Variants in CSMD1 observed in about 807,000 individuals in gnomAD.
CSMD1 encodes the protein CUB and Sushi multiple domains 1, also known as CUB and sushi domain-containing protein 1.
Under a neutral mutation model 417.5 loss-of-function variants are expected in CSMD1, and 213 were observed. The ratio of observed to expected loss-of-function variants is 0.51; its 90% CI spans 0.46 to 0.57. CSMD1 has a LOEUF of 0.57. Ranked by LOEUF, CSMD1 falls within the 20% of genes least tolerant of loss-of-function variation. CSMD1 has a pLI of 0.00. For missense variants in CSMD1, 6,923 were observed against 4,529.7 expected, an observed-to-expected ratio of 1.53 and a Z score of -15.17; for synonymous variants, 2,862 against 1,736.8, an observed-to-expected ratio of 1.65 and a Z score of -16.11.
At chr8:4,027,608 G>C (rs1383261177) in intron 4 of CSMD1, among the ~76,000 whole-genome samples, 2 of 152,150 alleles carry the variant, frequency 1.3e-5, no homozygotes, top group African/African-American at 2.4e-5. Context: ...GCAGAACTGT[G>C]AGTGAATTAA....
chr8:4,857,201 A>T (rs1230691099), intron 1 of CSMD1, among the ~76,000 whole-genome samples: 3 of 150,486 alleles, frequency 2.0e-5, no homozygotes, highest in Non-Finnish European at 1.5e-5. Flanking sequence ...AGAAATAAAG[A>T]TGTTCTTTGA....
At chr8:3,682,997 G>A (rs979654421) in intron 7 of CSMD1, among the ~76,000 whole-genome samples, 1 of 152,066 alleles carries the variant, frequency 6.6e-6, no homozygotes, top group Non-Finnish European at 1.5e-5. Flanking sequence ...ACTGAACAAT[G>A]AGAACACATG....
chr8:3,029,407 A>T lies in CSMD1; in HGVS notation c.7767T>A (p.Ser2589Arg). Residue 2589 changes from serine (S) to arginine (R), a missense_variant, in exon 51 of 70, where the codon AGT becomes AGA. Coordinates refer to ENST00000635120, the MANE Select transcript of CSMD1 (RefSeq NM_033225.6). ...EYGAQVLLSC[S>R]PGYYLEGWRL... ...TCCAGCCTTCTAAGTAGTAACCAGG[A>T]CTGCAGCTCAGCAATACTTGAGCAC... The T allele has an allele frequency of 6.2e-7, 1 of 1,612,208 alleles. No homozygotes were observed. The highest frequency in any genetic ancestry group is 2.2e-5 in the East Asian group (1 of 44,806).
At chr8:3,109,689 C>A (rs767583566) in intron 43 of CSMD1, among the ~76,000 whole-genome samples, 3 of 152,056 alleles carry the variant, frequency 2.0e-5, no homozygotes, top group Non-Finnish European at 4.4e-5. Context: ...TGGCTGCTGG[C>A]TTCTGCTCCT....
intron 3 of CSMD1, among the ~76,000 whole-genome samples, chr8:4,135,885 G>A (rs1803399536): frequency 1.3e-5 from 2 of 152,116 alleles, no homozygotes; most frequent in South Asian, 2.1e-4. Flanking sequence ...CTGATAAATT[G>A]CAATGATTTG....
intron 5 of CSMD1, among the ~76,000 whole-genome samples, chr8:3,889,573 G>A (rs997080080): frequency 6.9e-6 from 1 of 145,236 alleles, no homozygotes; most frequent in Admixed American, 6.9e-5. Flanking sequence ...GTGTGTGTAT[G>A]TGTATGTATA....
chr8:4,922,482 AT>A (rs1181452511), intron 1 of CSMD1, among the ~76,000 whole-genome samples: 20 of 152,218 alleles, frequency 1.3e-4, no homozygotes, highest in Admixed American at 1.2e-3. Context: ...ACTTTTATGT[AT>A]TCTTCCTACC....
chr8:4,402,317 C>T (rs571685829), intron 3 of CSMD1, among the ~76,000 whole-genome samples: 1 of 152,014 alleles, frequency 6.6e-6, no homozygotes, highest in Non-Finnish European at 1.5e-5. Flanking sequence ...TTCCCTCCTT[C>T]AAATCTATAC....
chr8:3,737,254 G>C (rs1187705590), intron 6 of CSMD1, among the ~76,000 whole-genome samples: 2 of 152,172 alleles, frequency 1.3e-5, no homozygotes, highest in African/African-American at 4.8e-5. Flanking sequence ...CCGATTGGGA[G>C]TAATGGCCTA....
At chr8:3,418,609 C>A (rs1352641992) in intron 12 of CSMD1, among the ~76,000 whole-genome samples, 1 of 152,122 alleles carries the variant, frequency 6.6e-6, no homozygotes, top group East Asian at 1.9e-4. Context: ...TGTCCTGTGT[C>A]TCAGCTCAAC....
intron 3 of CSMD1, among the ~76,000 whole-genome samples, chr8:4,393,683 A>C (rs562919171): frequency 6.6e-6 from 1 of 152,310 alleles, no homozygotes; most frequent in South Asian, 2.1e-4. Context: ...CCTATACTAT[A>C]ATTAACCAAG....
chr8:3,626,461 GAA>G (rs34388106), intron 7 of CSMD1, among the ~76,000 whole-genome samples: 1 of 152,074 alleles, frequency 6.6e-6, no homozygotes, highest in African/African-American at 2.4e-5. Flanking sequence ...AAAGAAATGG[GAA>G]AAAGTCTTAA....
chr8:4,123,467 G>A (rs1177997605), intron 3 of CSMD1, among the ~76,000 whole-genome samples: 1 of 152,028 alleles, frequency 6.6e-6, no homozygotes, highest in Non-Finnish European at 1.5e-5. Context: ...CATTATTGTG[G>A]GTAAATCAGT....
At chr8:3,235,175 T>C (rs1055601317) in intron 26 of CSMD1, among the ~76,000 whole-genome samples, 1 of 152,198 alleles carries the variant, frequency 6.6e-6, no homozygotes, top group Non-Finnish European at 1.5e-5. Flanking sequence ...ATTTATACAA[T>C]GAAATGAATG....
intron 3 of CSMD1, among the ~76,000 whole-genome samples, chr8:4,331,977 C>T (rs1799892521): frequency 1.3e-5 from 2 of 152,082 alleles, no homozygotes; most frequent in South Asian, 2.1e-4. Flanking sequence ...TTATGCAAAG[C>T]ACATCTGAAA....
At chr8:3,912,074 T>A (rs1318316721) in intron 5 of CSMD1, among the ~76,000 whole-genome samples, 2 of 152,208 alleles carry the variant, frequency 1.3e-5, no homozygotes, top group Admixed American at 1.3e-4. Context: ...GACTGAGTCT[T>A]TTCAAACCCT....
chr8:4,847,299 G>A (rs1267507881), intron 1 of CSMD1, among the ~76,000 whole-genome samples: 1 of 152,034 alleles, frequency 6.6e-6, no homozygotes, highest in African/African-American at 2.4e-5. Context: ...AAGAGAATTG[G>A]CATAAATAAT....
intron 5 of CSMD1, among the ~76,000 whole-genome samples, chr8:3,799,832 A>C (rs1800362404): frequency 6.6e-6 from 1 of 152,146 alleles, no homozygotes; most frequent in East Asian, 1.9e-4. Context: ...CTAAATGGAC[A>C]TGAGGCTAGG....
At chr8:3,903,376 C>T (rs1807893666) in intron 5 of CSMD1, among the ~76,000 whole-genome samples, 1 of 152,040 alleles carries the variant, frequency 6.6e-6, no homozygotes, top group Admixed American at 6.5e-5. Flanking sequence ...AAAACAATTG[C>T]ACTATGTCAT....
Sources: allele counts gnomAD v4.1 joint callset (sites outside exome capture counted in the v4.1 genomes callset), GRCh38; gene constraint gnomAD v4.1.1; transcripts MANE v1.5; gene names NCBI Gene and HGNC (gene_info 2026-07-23, HGNC 2026-07-21).